Variants in GPC5 observed in about 807,000 individuals in gnomAD.
GPC5 encodes glypican-5.
A neutral mutation model predicts 53.9 loss-of-function variants in GPC5; 47 were observed. The ratio of observed to expected loss-of-function variants is 0.87; its 90% CI spans 0.69 to 1.11. GPC5 has a LOEUF of 1.11. Ranked by LOEUF, GPC5 falls within the 50% of genes most tolerant of loss-of-function variation. The pLI, the probability that GPC5 is intolerant of heterozygous loss-of-function variation, is 0.00. For missense variants in GPC5, 748 were observed against 713.1 expected (o/e 1.05, Z -0.56); for synonymous variants, 286 against 263.3 (o/e 1.09, Z -0.84).
intron 7 of GPC5, among the ~76,000 whole-genome samples, chr13:92,636,862 CATT>C (rs1220246631): frequency 6.6e-6 from 1 of 152,128 alleles, no homozygotes; most frequent in Non-Finnish European, 1.5e-5. Context: ...AAACTGAACT[CATT>C]ATCCTTCTTC....
intron 7 of GPC5, among the ~76,000 whole-genome samples, chr13:92,762,255 A>G (rs1224851895): frequency 6.6e-6 from 1 of 152,174 alleles, no homozygotes; most frequent in African/African-American, 2.4e-5. Flanking sequence ...AAATATGTAA[A>G]TTGTGAGATC....
intron 5 of GPC5, among the ~76,000 whole-genome samples, chr13:91,802,316 C>T (rs2138779563): frequency 6.6e-6 from 1 of 151,540 alleles, no homozygotes; most frequent in East Asian, 1.9e-4. Context: ...TGTTACAGCT[C>T]TTAAAGGTGG....
intron 7 of GPC5, among the ~76,000 whole-genome samples, chr13:92,382,581 C>T (rs891217427): frequency 6.6e-6 from 1 of 151,786 alleles, no homozygotes; most frequent in Non-Finnish European, 1.5e-5. Flanking sequence ...TTGTTCACAC[C>T]AGACTCCCTA....
intron 2 of GPC5, among the ~76,000 whole-genome samples, chr13:91,579,325 T>C (rs571959002): frequency 6.6e-6 from 1 of 152,326 alleles, no homozygotes; most frequent in Non-Finnish European, 1.5e-5. Context: ...TATCTACACA[T>C]CTTATTGTTC....
chr13:92,287,425 C>T (rs369523310), intron 7 of GPC5, among the ~76,000 whole-genome samples: 1 of 152,016 alleles, frequency 6.6e-6, no homozygotes, highest in Non-Finnish European at 1.5e-5. Context: ...GCTCTTTGTT[C>T]TATTCATTAG....
chr13:91,561,682 C>A (rs1309419204), intron 2 of GPC5, among the ~76,000 whole-genome samples: 1 of 151,970 alleles, frequency 6.6e-6, no homozygotes, highest in East Asian at 1.9e-4. Flanking sequence ...CCTGTTTGGT[C>A]TGTGCAGAAG....
intron 2 of GPC5, among the ~76,000 whole-genome samples, chr13:91,551,142 G>A (rs1000756424): frequency 6.9e-6 from 1 of 144,172 alleles, no homozygotes; most frequent in Non-Finnish European, 1.5e-5. Context: ...GTGGTGCTTG[G>A]TACATGATAT....
chr13:92,523,255 T>C (rs1182153762), intron 7 of GPC5, among the ~76,000 whole-genome samples: 2 of 152,150 alleles, frequency 1.3e-5, no homozygotes, highest in Non-Finnish European at 2.9e-5. Context: ...GTAACACCTT[T>C]TTTAAAAACA....
At chr13:91,661,118 G>A (rs778631620) in intron 2 of GPC5, among the ~76,000 whole-genome samples, 3 of 152,222 alleles carry the variant, frequency 2.0e-5, no homozygotes, top group Non-Finnish European at 2.9e-5. Context: ...AAGGGTCACC[G>A]AGAGAAGTAT....
intron 1 of GPC5, among the ~76,000 whole-genome samples, chr13:91,435,614 C>T (rs1308798585): frequency 6.6e-5 from 10 of 152,112 alleles, no homozygotes; most frequent in Non-Finnish European, 7.3e-5. Flanking sequence ...ATTTTTGCAT[C>T]GATGTTCATC....
chr13:92,542,675 C>T (rs754543247), intron 7 of GPC5, among the ~76,000 whole-genome samples: 2 of 152,034 alleles, frequency 1.3e-5, no homozygotes, highest in African/African-American at 2.4e-5. Flanking sequence ...GGCAAACCTA[C>T]TTGTAATTAA....
chr13:92,009,576 C>T lies in GPC5; in HGVS notation c.1401+101519C>T, dbSNP rs551711484. Among the ~76,000 whole-genome samples, 3 of 152,258 alleles carry T rather than the reference C, an allele frequency of 2.0e-5. No individual in the cohort carries two copies. In the East Asian group the frequency reaches 5.8e-4, roughly 29 times the overall value. ...AGAGTTTTATCTTACACATATGCAG[C>T]TTTTATATTCAGCAACAAAGTCTAA... On this transcript the variant is annotated intron_variant, in intron 6 of 7. Transcript: ENST00000377067.
intron 7 of GPC5, among the ~76,000 whole-genome samples, chr13:92,699,847 A>G (rs961646363): frequency 1.3e-5 from 2 of 152,180 alleles, no homozygotes; most frequent in Non-Finnish European, 2.9e-5. Flanking sequence ...TTTACTTCCA[A>G]TGATGTGGTC....
At chr13:91,789,065 T>C (rs1308302965) in intron 5 of GPC5, among the ~76,000 whole-genome samples, 1 of 151,978 alleles carries the variant, frequency 6.6e-6, no homozygotes, top group Non-Finnish European at 1.5e-5. Flanking sequence ...AATACCAAAA[T>C]TAGCTGGGCA....
intron 2 of GPC5, among the ~76,000 whole-genome samples, chr13:91,681,058 C>T (rs1435142169): frequency 6.6e-6 from 1 of 151,880 alleles, no homozygotes; most frequent in Non-Finnish European, 1.5e-5. Context: ...TAGCCCACCG[C>T]AATACAAGCT....
chr13:92,814,675 A>T (rs1000234942), intron 7 of GPC5, among the ~76,000 whole-genome samples: 5 of 151,752 alleles, frequency 3.3e-5, no homozygotes, highest in African/African-American at 1.2e-4. Flanking sequence ...AAAAAAATAA[A>T]AAATAAAAAA....
At chr13:92,031,535 A>G (rs772142025) in intron 6 of GPC5, among the ~76,000 whole-genome samples, 10 of 150,588 alleles carry the variant, frequency 6.6e-5, no homozygotes, top group Non-Finnish European at 8.8e-5. Flanking sequence ...CCGCATCCAC[A>G]CCAACATCTA....
At chr13:92,264,155 A>C (rs2042784742) in intron 7 of GPC5, among the ~76,000 whole-genome samples, 1 of 152,140 alleles carries the variant, frequency 6.6e-6, no homozygotes, top group African/African-American at 2.4e-5. Context: ...AAGTACTATC[A>C]ACCCTATGAT....
At chr13:92,198,239 C>T (rs528741936) in intron 7 of GPC5, among the ~76,000 whole-genome samples, 66 of 152,266 alleles carry the variant, frequency 4.3e-4, no homozygotes, top group African/African-American at 1.5e-3. Context: ...ATATGTCTCT[C>T]CACACTAAAA....
Sources: gnomAD v4.1 joint callset for allele counts (sites outside exome capture counted in the v4.1 genomes callset) on GRCh38, gnomAD v4.1.1 for gene constraint, MANE v1.5 for transcripts, NCBI Gene and HGNC (gene_info 2026-07-23, HGNC 2026-07-21) for gene names.